Variants in CDH13 observed in about 807,000 individuals in gnomAD.
The protein encoded by CDH13 is cadherin-13.
A neutral mutation model predicts 63.8 loss-of-function variants in CDH13; 24 were observed. That is an observed-to-expected ratio of 0.38 (90% CI 0.27 to 0.53). The LOEUF is 0.53. CDH13 is among the 20% of genes least tolerant of loss of function. CDH13 has a pLI of 0.85. For synonymous variants in CDH13, 503 were observed against 355.3 expected (o/e 1.42, Z -4.67); for missense variants, 1,049 against 903.1 (o/e 1.16, Z -2.07).
intron 1 of CDH13, among the ~76,000 whole-genome samples, chr16:82,740,701 T>C (rs2151052641): frequency 6.6e-6 from 1 of 152,236 alleles, no homozygotes; most frequent in Middle Eastern, 3.4e-3. Context: ...AGACTGAAAG[T>C]TTCCAGGTTA....
intron 6 of CDH13, among the ~76,000 whole-genome samples, chr16:83,442,388 G>C (rs778176564): frequency 6.6e-6 from 1 of 152,180 alleles, no homozygotes; most frequent in African/African-American, 2.4e-5. Context: ...AAAGCTACCA[G>C]TCTGGTGATT....
chr16:83,469,448 A>G (rs1567693958), intron 6 of CDH13, among the ~76,000 whole-genome samples: 1 of 152,172 alleles, frequency 6.6e-6, no homozygotes, highest in Non-Finnish European at 1.5e-5. Context: ...TTCATACAGG[A>G]AAAACATATT....
At chr16:83,321,525 A>ATTTTTTTTTTTTTTTTT (rs10672316) in intron 5 of CDH13, among the ~76,000 whole-genome samples, 1 of 103,650 alleles carries the variant, frequency 9.6e-6, no homozygotes, top group Non-Finnish European at 1.8e-5. Flanking sequence ...GAAATCTGGA[A>ATTTTTTTTTTTTTTTTT]TTTTTTTTTT....
chr16:83,328,655 G>C (rs1311281490), intron 5 of CDH13, among the ~76,000 whole-genome samples: 1 of 152,154 alleles, frequency 6.6e-6, no homozygotes, highest in African/African-American at 2.4e-5. Flanking sequence ...AGATGGTCAG[G>C]TTCAGGTTGT....
At chr16:82,936,700 C>T (rs946253891) in intron 2 of CDH13, among the ~76,000 whole-genome samples, 1 of 152,134 alleles carries the variant, frequency 6.6e-6, no homozygotes, top group African/African-American at 2.4e-5. Flanking sequence ...TTTGTCCTAC[C>T]TACGGATGCC....
At chr16:82,719,038 A>G (rs1167459850) in intron 1 of CDH13, among the ~76,000 whole-genome samples, 1 of 152,120 alleles carries the variant, frequency 6.6e-6, no homozygotes, top group African/African-American at 2.4e-5. Context: ...TATCCTTCAC[A>G]CTGAGGTCAA....
chr16:83,783,835 A>G (rs1452066887), intron 13 of CDH13, among the ~76,000 whole-genome samples: 1 of 152,218 alleles, frequency 6.6e-6, no homozygotes, highest in African/African-American at 2.4e-5. Flanking sequence ...ATTATGCAGA[A>G]TAATCTTTTG....
intron 1 of CDH13, among the ~76,000 whole-genome samples, chr16:82,854,788 C>A (rs2039624105): frequency 6.6e-6 from 1 of 152,200 alleles, no homozygotes. Flanking sequence ...ATTTTCCTTT[C>A]CAGTTAAATT....
intron 2 of CDH13, among the ~76,000 whole-genome samples, chr16:82,978,995 A>G (rs1909902140): frequency 6.6e-6 from 1 of 152,220 alleles, no homozygotes; most frequent in Non-Finnish European, 1.5e-5. Context: ...GCCCAAGATC[A>G]TGGGAGCCCA....
intron 12 of CDH13, among the ~76,000 whole-genome samples, chr16:83,781,903 C>G (rs559810208): frequency 4.0e-5 from 6 of 151,240 alleles, no homozygotes; most frequent in Non-Finnish European, 8.8e-5. Context: ...CCTGCACATC[C>G]TGCTCATGTA....
chr16:83,667,971 A>C (rs890679949), intron 8 of CDH13, among the ~76,000 whole-genome samples: 3 of 152,118 alleles, frequency 2.0e-5, no homozygotes, highest in Non-Finnish European at 4.4e-5. Context: ...CCCCCAAAAT[A>C]AATTTTTTAA....
chr16:83,405,967 C>T (rs929784335), intron 6 of CDH13, among the ~76,000 whole-genome samples: 2 of 152,240 alleles, frequency 1.3e-5, no homozygotes, highest in African/African-American at 4.8e-5. Context: ...GCCACATGCC[C>T]TCAGCCCACC....
chr16:82,704,543 C>T (rs557089480), intron 1 of CDH13, among the ~76,000 whole-genome samples: 42 of 152,270 alleles, frequency 2.8e-4, no homozygotes, highest in African/African-American at 9.6e-4. Flanking sequence ...AATCAATAAC[C>T]ACAGTGCCTT....
intron 1 of CDH13, among the ~76,000 whole-genome samples, chr16:82,853,506 T>G (rs970194118): frequency 1.4e-4 from 21 of 152,044 alleles, no homozygotes; most frequent in African/African-American, 5.1e-4. Context: ...TCATAACGGG[T>G]GAGATACCAT....
chr16:82,791,292 C>G (rs148253646), intron 1 of CDH13, among the ~76,000 whole-genome samples: 1 of 151,742 alleles, frequency 6.6e-6, no homozygotes, highest in African/African-American at 2.4e-5. Context: ...GTGACCACAC[C>G]CACTTTTAAA....
intron 7 of CDH13, among the ~76,000 whole-genome samples, chr16:83,555,692 G>C (rs944380456): frequency 1.3e-5 from 2 of 152,200 alleles, no homozygotes; most frequent in Admixed American, 1.3e-4. Flanking sequence ...CAATCTGTTT[G>C]GGGGATAGTT....
In CDH13 at chr16:83,371,903, GA is replaced by G. The variant is rs1175344162; in HGVS notation, c.781+26905del. ...TTTAAAGGAACAAGAACATTGTCCA[GA>G]AAAAAAATAGGTGTTTAATAAATGG... On this transcript the variant is annotated intron_variant, in intron 6 of 13. Transcript: ENST00000567109. Among the ~76,000 whole-genome samples the G allele has an allele frequency of 1.2e-4, 18 of 151,966 alleles. No individual in the cohort carries two copies. In the South Asian group the frequency reaches 2.1e-3, roughly 18 times the overall value.
chr16:83,234,994 C>G (rs2040103360), intron 5 of CDH13, among the ~76,000 whole-genome samples: 1 of 152,116 alleles, frequency 6.6e-6, no homozygotes, highest in Admixed American at 6.5e-5. Context: ...GCCAGGAGTT[C>G]AATACCAGCC....
chr16:82,884,660 C>A (rs935425671), intron 2 of CDH13, among the ~76,000 whole-genome samples: 1 of 152,128 alleles, frequency 6.6e-6, no homozygotes, highest in Non-Finnish European at 1.5e-5. Flanking sequence ...ACTTGACTGC[C>A]CCAATTCATC....
Sources: allele counts gnomAD v4.1 joint callset (sites outside exome capture counted in the v4.1 genomes callset), GRCh38; gene constraint gnomAD v4.1.1; transcripts MANE v1.5; gene names NCBI Gene and HGNC (gene_info 2026-07-23, HGNC 2026-07-21).